The following LIMCH1 variants were observed in gnomAD, a reference collection of about 807,000 sequenced individuals.
LIMCH1 encodes the protein LIM and calponin homology domains-containing protein 1.
LIMCH1 carries 113 observed loss-of-function variants against 176.5 expected under a neutral mutation model. That is an observed-to-expected ratio of 0.64 (90% CI 0.55 to 0.75). The LOEUF (loss-of-function observed/expected upper bound fraction) is 0.75, where lower values mean the gene tolerates loss of function less well. Among genes scored for constraint, LIMCH1 ranks in the 30% least tolerant of loss-of-function variants. LIMCH1 has a pLI of 0.00. For missense variants in LIMCH1, 1,674 were observed against 1,814.9 expected (o/e 0.92, Z 1.41); for synonymous variants, 619 against 645.9 (o/e 0.96, Z 0.63).
chr4:41,426,249 C>T (rs2061089431), intron 1 of LIMCH1, among the ~76,000 whole-genome samples: 1 of 151,862 alleles, frequency 6.6e-6, no homozygotes, highest in Non-Finnish European at 1.5e-5. Flanking sequence ...TCTCGATCTC[C>T]TGACCTCGTG....
intron 1 of LIMCH1, among the ~76,000 whole-genome samples, chr4:41,445,132 A>G (rs2063150573): frequency 6.6e-6 from 1 of 150,820 alleles, no homozygotes; most frequent in Admixed American, 6.6e-5. Flanking sequence ...CAGCCTCCCG[A>G]GTAGCTGGAA....
intron 2 of LIMCH1, among the ~76,000 whole-genome samples, chr4:41,505,569 T>G (rs2074044992): frequency 6.6e-6 from 1 of 152,138 alleles, no homozygotes; most frequent in African/African-American, 2.4e-5. Context: ...TTTTCTCCCA[T>G]CCATCCAGTC....
Position 41,386,335 on chromosome 4 carries a change from A to G in LIMCH1, c.96+25399A>G, listed in dbSNP as rs187982261. Among the ~76,000 whole-genome samples the G allele has an allele frequency of 1.1e-4, 17 of 152,348 alleles. 1 individual carries two copies. Among genetic ancestry groups the G allele is most frequent in the Non-Finnish European group, 1.5e-5 (1 of 68,036 alleles). ...ATAGATCCTGACTGACAAGGCTGGA[A>G]GTAGCTTGGGAAAGTTACTTAACCT... On this transcript the variant is annotated intron_variant, in intron 1 of 26. Coordinates refer to the LIMCH1 transcript ENST00000313860.
chr4:41,577,213 T>C (rs1241282866), intron 1 of LIMCH1, among the ~76,000 whole-genome samples: 1 of 152,132 alleles, frequency 6.6e-6, no homozygotes. Flanking sequence ...TTTTAGGGCT[T>C]GGAATCTTGG....
chr4:41,693,159 C>T (rs1201362428), intron 31 of LIMCH1: 1 of 152,164 alleles, frequency 6.6e-6, no homozygotes, highest in African/African-American at 2.4e-5. Context: ...TCTGGTGGGT[C>T]ACCTAGACAG....
In LIMCH1 at chr4:41,360,812, G is replaced by C. The variant is rs2051865663; in HGVS notation, c.-29G>C. The C allele has an allele frequency of 6.7e-7, 1 of 1,503,714 alleles. No individual in the cohort carries two copies. Among genetic ancestry groups the C allele is most frequent in the Non-Finnish European group, 8.9e-7 (1 of 1,123,286 alleles). The allele number at this position is 1,503,714 out of a possible 1,614,324, so 93.1% of individuals were successfully genotyped here. On this transcript the variant is annotated 5_prime_UTR_variant, in exon 1 of 27. Transcript: ENST00000313860. The surrounding 1 kb of genome is among the most constrained non-coding windows in gnomAD (Gnocchi z 4.5). ...CGACGGCGGCGGCCGTCCTCATCCC[G>C]GCGCTTGAGAGGACGCGGGGCTGCG... is the stretch of plus-strand genomic sequence containing the variant.
chr4:41,445,331 C>T (rs565936503), intron 1 of LIMCH1, among the ~76,000 whole-genome samples: 1 of 152,102 alleles, frequency 6.6e-6, no homozygotes, highest in Non-Finnish European at 1.5e-5. Context: ...GTGTAGGAAG[C>T]CTATTTATAT....
At chr4:41,408,913 C>G (rs4861104) in intron 1 of LIMCH1, among the ~76,000 whole-genome samples, 41,806 of 151,922 alleles carry the variant, frequency 0.28, 6,584 homozygotes, top group African/African-American at 0.41. Context: ...TAAATTCTAG[C>G]GATGATCAGC....
At chr4:41,668,783 A>T (rs1313839976) in intron 21 of LIMCH1, among the ~76,000 whole-genome samples, 1 of 152,208 alleles carries the variant, frequency 6.6e-6, no homozygotes, top group African/African-American at 2.4e-5. Context: ...TCATAGTTCC[A>T]CATGGCTGAA....
At chr4:41,591,414 T>C (rs1398482278) in intron 1 of LIMCH1, among the ~76,000 whole-genome samples, 1 of 151,972 alleles carries the variant, frequency 6.6e-6, no homozygotes, top group Non-Finnish European at 1.5e-5. Context: ...GCTAATTTTT[T>C]AAAAAACGTT....
At chr4:41,652,005 A>G (rs999826937) in intron 18 of LIMCH1, among the ~76,000 whole-genome samples, 3 of 152,036 alleles carry the variant, frequency 2.0e-5, no homozygotes, top group Non-Finnish European at 4.4e-5. Context: ...CCTCATTTGT[A>G]CTCACCAGAG....
intron 14 of LIMCH1, among the ~76,000 whole-genome samples, chr4:41,641,962 A>G (rs1241960988): frequency 1.3e-5 from 2 of 152,234 alleles, no homozygotes; most frequent in African/African-American, 4.8e-5. Flanking sequence ...ATGGGAACGC[A>G]GGACAGACAA....
chr4:41,384,163 T>G (rs978544951), intron 1 of LIMCH1, among the ~76,000 whole-genome samples: 1 of 150,344 alleles, frequency 6.7e-6, no homozygotes, highest in Non-Finnish European at 1.5e-5. Flanking sequence ...GAGTGGGAGG[T>G]GAGAGGGATT....
chr4:41,498,775 A>T (rs749699031), intron 2 of LIMCH1, among the ~76,000 whole-genome samples: 1 of 152,018 alleles, frequency 6.6e-6, no homozygotes, highest in Non-Finnish European at 1.5e-5. Context: ...TTTTGAAATA[A>T]CTCCAGAAAA....
At chr4:41,434,297 C>T (rs1047101860) in intron 1 of LIMCH1, among the ~76,000 whole-genome samples, 1 of 152,198 alleles carries the variant, frequency 6.6e-6, no homozygotes, top group African/African-American at 2.4e-5. Flanking sequence ...TGGCCACCAG[C>T]TGTAGACATC....
At chr4:41,662,299 C>T (rs1390874775) in intron 19 of LIMCH1, among the ~76,000 whole-genome samples, 2 of 152,100 alleles carry the variant, frequency 1.3e-5, no homozygotes, top group African/African-American at 2.4e-5. Flanking sequence ...CTAAAGTGAA[C>T]CTAATTCTTC....
intron 1 of LIMCH1, among the ~76,000 whole-genome samples, chr4:41,565,362 C>T (rs940692563): frequency 2.0e-5 from 3 of 147,076 alleles, no homozygotes; most frequent in African/African-American, 8.0e-5. Context: ...CACACACACA[C>T]ACACACACAC....
intron 2 of LIMCH1, among the ~76,000 whole-genome samples, chr4:41,498,724 G>C (rs1474285655): frequency 6.6e-6 from 1 of 152,206 alleles, no homozygotes; most frequent in Non-Finnish European, 1.5e-5. Flanking sequence ...GGAGTCATTA[G>C]CAGATGATAT....
At chr4:41,461,090 C>T (rs2065309446) in intron 1 of LIMCH1, among the ~76,000 whole-genome samples, 1 of 152,178 alleles carries the variant, frequency 6.6e-6, no homozygotes, top group African/African-American at 2.4e-5. Context: ...CTATGCTAGT[C>T]CTTCTTCTAA....
Sources: allele counts gnomAD v4.1 joint callset (sites outside exome capture counted in the v4.1 genomes callset), GRCh38; gene constraint gnomAD v4.1.1; non-coding constraint Gnocchi (gnomAD v3.1); transcripts MANE v1.5; gene names NCBI Gene and HGNC (gene_info 2026-07-23, HGNC 2026-07-21).